SYNE2: variants seen among roughly 807,000 people sequenced by gnomAD.
SYNE2 encodes nesprin-2.
A neutral mutation model predicts 856.3 loss-of-function variants in SYNE2; 431 were observed. That is an observed-to-expected ratio of 0.50 (90% CI 0.47 to 0.55). The LOEUF (loss-of-function observed/expected upper bound fraction) is 0.55. SYNE2 is among the 20% of genes least tolerant of loss of function. The pLI is 0.00. For synonymous variants in SYNE2, 2,923 were observed against 2,872.3 expected, an observed-to-expected ratio of 1.02 and a Z score of -0.56; for missense variants, 8,129 against 8,023.2, an observed-to-expected ratio of 1.01 and a Z score of -0.50.
Position 64,102,020 on chromosome 14 carries a change from C to A in SYNE2, c.12470C>A (p.Ser4157Ter). The change falls in exon 64 of 116, where the codon TCA becomes TAA. Residue 4157 changes from serine to a stop codon, truncating the protein, a stop_gained. Transcript: ENST00000555002. LOFTEE classifies it high-confidence loss of function. ...DKDMEEDRAS[S>*]SSGTIVQEAY... Reference sequence around the variant, plus strand: ...GACATGGAAGAAGACAGAGCTTCCTCATCCTCTGGAACAATTGTTCAGGTA... The same window carrying A: ...GACATGGAAGAAGACAGAGCTTCCTAATCCTCTGGAACAATTGTTCAGGTA... 6.2e-7 allele frequency: 1 copy of A among 1,613,584 alleles called. No individual in the cohort carries two copies. The highest frequency in any genetic ancestry group is 1.1e-5 in the South Asian group (1 of 91,062).
intron 52 of SYNE2, among the ~76,000 whole-genome samples, chr14:64,071,745 G>A (rs1470703083): frequency 2.6e-5 from 4 of 152,130 alleles, no homozygotes; most frequent in East Asian, 3.9e-4. Flanking sequence ...GGCCGGGCAT[G>A]GTGGCTCACG....
chr14:64,132,800 A>G (rs2098035962), intron 77 of SYNE2, among the ~76,000 whole-genome samples: 1 of 152,204 alleles, frequency 6.6e-6, no homozygotes, highest in Non-Finnish European at 1.5e-5. Context: ...AATGGATGAC[A>G]ATCTTGTCTA....
At chr14:64,168,611 G>A (rs1173694283) in intron 92 of SYNE2, among the ~76,000 whole-genome samples, 3 of 152,134 alleles carry the variant, frequency 2.0e-5, no homozygotes, top group African/African-American at 4.8e-5. Flanking sequence ...ATGAGACAAT[G>A]CATGTTTTAC....
At chr14:64,195,950 G>A (rs934468162) in intron 99 of SYNE2, among the ~76,000 whole-genome samples, 1 of 152,110 alleles carries the variant, frequency 6.6e-6, no homozygotes, top group African/African-American at 2.4e-5. Flanking sequence ...ATGGGTGGCC[G>A]CTGTTCCCAG....
rs139505084 is a variant in SYNE2, at chr14:63,902,461, C to A, written c.-51-6637C>A. The stretch of plus-strand genomic sequence containing the variant: ...GTTTTATTTATTTTAGTACTAAACC[C>A]TGGCTTTGTTACATAATTGTGGTAA... On this transcript the variant is annotated intron_variant, in intron 1 of 115. Transcript: ENST00000555002. Among the ~76,000 whole-genome samples the A allele has an allele frequency of 7.2e-3, 1,087 of 150,978 alleles. 7 individuals carry two copies. The highest frequency in any genetic ancestry group is 0.01 in the Non-Finnish European group (695 of 67,790).
At position 64,052,803 on chromosome 14, in the gene SYNE2, C is replaced by T. The variant is rs199665519; in HGVS notation, c.8890C>T (p.Arg2964Cys). ...ALQEEADSIQ[R>C]NELLLNQEVN... is the part of the protein sequence containing the mutation. Reference sequence around the variant, plus strand: ...TCAGGAGGAGGCTGACAGTATACAGCGCAATGAACTATTACTTAATCAAGA... The same window carrying T: ...TCAGGAGGAGGCTGACAGTATACAGTGCAATGAACTATTACTTAATCAAGA... The change falls in exon 48 of 116, where the codon CGC (arginine) becomes TGC (cysteine). Residue 2964 changes from arginine to cysteine, a missense_variant. Physicochemically the swap from Arg to Cys is radical, Grantham distance 180 (BLOSUM62 -3). Coordinates refer to ENST00000555002, the MANE Select transcript of SYNE2 (RefSeq NM_182914.3). 4.7e-5 allele frequency: 75 copies of T among 1,612,340 alleles called. No individual in the cohort carries two copies. The highest frequency in any genetic ancestry group is 8.8e-5 in the South Asian group (8 of 90,434).
chr14:64,044,964 T>C (rs974561256), intron 45 of SYNE2, among the ~76,000 whole-genome samples: 2 of 152,222 alleles, frequency 1.3e-5, no homozygotes, highest in African/African-American at 4.8e-5. Flanking sequence ...TGAAATATTT[T>C]ATATTTTAAA....
chr14:63,911,521 A>G (rs2095473658), intron 2 of SYNE2, among the ~76,000 whole-genome samples: 1 of 152,254 alleles, frequency 6.6e-6, no homozygotes, highest in African/African-American at 2.4e-5. Context: ...ATGATGAAGT[A>G]GATTTAAAAA....
rs963921874 is a variant in SYNE2 at position 64,141,642 on chromosome 14, A to T, written c.15159+119A>T. ...ACACTACCTATTTTTCTCTGGCACC[A>T]CTGAATATAAGTCTTAATTACTGGA... On this transcript the variant is annotated intron_variant, in intron 81 of 115. Coordinates refer to ENST00000555002, the MANE Select transcript of SYNE2 (RefSeq NM_182914.3). The T allele has an allele frequency of 5.3e-6, 6 of 1,135,504 alleles. No homozygotes were observed. The African/African-American group carries it at 7.8e-5, about 15-fold the overall frequency. The allele number at this position is 1,135,504 out of a possible 1,614,324, so 70.3% of individuals were successfully genotyped here.
At chr14:63,987,353 ATGT>A (rs2096634561) in intron 19 of SYNE2, among the ~76,000 whole-genome samples, 2 of 152,018 alleles carry the variant, frequency 1.3e-5, no homozygotes, top group Non-Finnish European at 2.9e-5. Flanking sequence ...AGAGTGACTC[ATGT>A]TGTTAGATCT....
chr14:63,880,021 T>C (rs1243206621), intron 1 of SYNE2, among the ~76,000 whole-genome samples: 1 of 151,648 alleles, frequency 6.6e-6, no homozygotes, highest in Non-Finnish European at 1.5e-5. Context: ...TAAATTTTAT[T>C]TTATTTATTT....
intron 88 of SYNE2, chr14:64,162,492 A>G (rs2098337190): frequency 4.9e-6 from 3 of 607,398 alleles, no homozygotes; most frequent in Non-Finnish European, 3.0e-6. Context: ...GGGGGACTCG[A>G]TATCACCTCG....
intron 50 of SYNE2, 116 bp downstream of exon 50, chr14:64,063,011 T>A: frequency 8.5e-7 from 1 of 1,175,786 alleles, no homozygotes; most frequent in Non-Finnish European, 1.3e-6. Context: ...CACAGTGAGT[T>A]AAATATCCAT....
At chr14:63,768,028 AACAAAAAAT>A (rs1454827677) in intron 1 of SYNE2, among the ~76,000 whole-genome samples, 3 of 151,954 alleles carry the variant, frequency 2.0e-5, no homozygotes, top group African/African-American at 7.2e-5. Context: ...ACCCCGTCTT[AACAAAAAAT>A]ACAAAAAATC....
chr14:64,187,588 C>G (rs2098498638), intron 97 of SYNE2, among the ~76,000 whole-genome samples: 1 of 152,134 alleles, frequency 6.6e-6, no homozygotes, highest in Admixed American at 6.5e-5. Context: ...GTTTTTCAAG[C>G]CTTTTTAACA....
intron 30 of SYNE2, among the ~76,000 whole-genome samples, chr14:64,006,447 A>G (rs1811585051): frequency 1.3e-5 from 2 of 152,048 alleles, no homozygotes; most frequent in African/African-American, 4.8e-5. Context: ...GTGTGTATAC[A>G]CCTTTTACAA....
intron 85 of SYNE2, 75 bp downstream of exon 85, chr14:64,152,791 C>T (rs966258796): frequency 1.1e-5 from 18 of 1,580,972 alleles, no homozygotes; most frequent in Admixed American, 8.4e-5. Flanking sequence ...TAGTTGTTTT[C>T]GTCCTTTACT....
chr14:64,070,701 C>T lies in SYNE2; in HGVS notation c.10488C>T (p.Ser3496=). 1.2e-6 allele frequency: 2 copies of T among 1,613,818 alleles called. No individual in the cohort carries two copies. The highest frequency in any genetic ancestry group is 1.7e-6 in the Non-Finnish European group (2 of 1,179,936). The stretch of plus-strand genomic sequence containing the variant: ...TTCAGGAAGAACTCCCTGAAATTTC[C>T]AAAACAAAAGAGGCAGCCACCACAG... ...DNLQEELPEI[S]KTKEAATTEE... Residue 3496 remains serine, a synonymous_variant, in exon 52 of 116, where the codon TCC becomes TCT. Transcript: ENST00000555002.
upstream of SYNE2, among the ~76,000 whole-genome samples, chr14:63,849,313 A>C (rs977000405): frequency 4.0e-5 from 6 of 150,748 alleles, no homozygotes; most frequent in Non-Finnish European, 8.8e-5. Flanking sequence ...AATAGGAATA[A>C]GTAATGAGAT....
Sources: allele counts gnomAD v4.1 joint callset (sites outside exome capture counted in the v4.1 genomes callset), GRCh38; gene constraint gnomAD v4.1.1; transcripts MANE v1.5; gene names NCBI Gene and HGNC (gene_info 2026-07-23, HGNC 2026-07-21).